The following CNTNAP2 variants were observed in gnomAD, a reference collection of about 807,000 sequenced individuals.
CNTNAP2 encodes contactin-associated protein-like 2.
Under a neutral mutation model 155.2 loss-of-function variants are expected in CNTNAP2, and 98 were observed. That is an observed-to-expected ratio of 0.63 (90% CI 0.54 to 0.75). CNTNAP2 has a LOEUF of 0.75. Among genes scored for constraint, CNTNAP2 ranks in the 30% least tolerant of loss-of-function variants. The probability of loss-of-function intolerance (pLI) is 0.00; values close to 1 mark genes in which losing one functional copy is unlikely to be tolerated. For missense variants in CNTNAP2, 1,727 were observed against 1,688.1 expected (o/e 1.02, Z -0.40); for synonymous variants, 651 against 631.2 (o/e 1.03, Z -0.47).
intron 1 of CNTNAP2, among the ~76,000 whole-genome samples, chr7:146,193,070 C>A (rs1798729093): frequency 6.6e-6 from 1 of 152,236 alleles, no homozygotes; most frequent in Non-Finnish European, 1.5e-5. Flanking sequence ...CATGCTGATG[C>A]AAGAGATGGA....
At chr7:147,782,540 G>A (rs1260863559) in intron 13 of CNTNAP2, among the ~76,000 whole-genome samples, 2 of 152,196 alleles carry the variant, frequency 1.3e-5, no homozygotes, top group Admixed American at 1.3e-4. Flanking sequence ...CCTTCTTGCA[G>A]CATCCTCACA....
At chr7:147,379,590 T>C (rs1206860934) in intron 9 of CNTNAP2, among the ~76,000 whole-genome samples, 1 of 152,120 alleles carries the variant, frequency 6.6e-6, no homozygotes, top group African/African-American at 2.4e-5. Flanking sequence ...AAGCTGTAAT[T>C]TAATTCAGCA....
chr7:146,351,627 G>T (rs1794916259), intron 1 of CNTNAP2, among the ~76,000 whole-genome samples: 1 of 152,008 alleles, frequency 6.6e-6, no homozygotes, highest in South Asian at 2.1e-4. Context: ...TTTACTTTAT[G>T]TTCAGACAGT....
At chr7:147,333,395 C>A (rs1795609336) in intron 9 of CNTNAP2, among the ~76,000 whole-genome samples, 1 of 152,052 alleles carries the variant, frequency 6.6e-6, no homozygotes, top group Admixed American at 6.6e-5. Flanking sequence ...GCATTAAAAT[C>A]ATAAAATAGA....
intron 13 of CNTNAP2, among the ~76,000 whole-genome samples, chr7:147,749,803 G>T (rs1797105781): frequency 6.6e-6 from 1 of 152,180 alleles, no homozygotes; most frequent in Non-Finnish European, 1.5e-5. Context: ...AACACTCATT[G>T]TTGAGGATGT....
intron 15 of CNTNAP2, among the ~76,000 whole-genome samples, chr7:148,081,093 C>T (rs1307455551): frequency 6.6e-6 from 1 of 152,088 alleles, no homozygotes; most frequent in Non-Finnish European, 1.5e-5. Context: ...ACAGACTTCC[C>T]TAAAGAAATG....
chr7:147,537,220 T>C (rs1223013222), intron 11 of CNTNAP2, among the ~76,000 whole-genome samples: 1 of 152,210 alleles, frequency 6.6e-6, no homozygotes, highest in Non-Finnish European at 1.5e-5. Context: ...TTTCACACTC[T>C]TTCCTAATGT....
intron 1 of CNTNAP2, among the ~76,000 whole-genome samples, chr7:146,452,813 G>C (rs1381643059): frequency 1.3e-5 from 2 of 152,092 alleles, no homozygotes; most frequent in Non-Finnish European, 2.9e-5. Context: ...GAGTAGCAGG[G>C]ACCAAATTTG....
chr7:147,543,383 G>A (rs2116748930), intron 11 of CNTNAP2, among the ~76,000 whole-genome samples: 1 of 152,304 alleles, frequency 6.6e-6, no homozygotes, highest in African/African-American at 2.4e-5. Flanking sequence ...GGGTGTTAGG[G>A]CCATTATGAA....
chr7:148,364,464 G>T (rs532382963), intron 21 of CNTNAP2, among the ~76,000 whole-genome samples: 51 of 150,090 alleles, frequency 3.4e-4, no homozygotes, highest in African/African-American at 1.2e-3. Flanking sequence ...GAACTTTTAT[G>T]TATAGCTCAA....
chr7:147,402,442 G>T (rs1314699911), intron 10 of CNTNAP2, among the ~76,000 whole-genome samples: 3 of 152,168 alleles, frequency 2.0e-5, no homozygotes, highest in Non-Finnish European at 4.4e-5. Flanking sequence ...CTTAGGTTCT[G>T]GGATCTGTGT....
chr7:146,453,353 T>C (rs1040983088), intron 1 of CNTNAP2, among the ~76,000 whole-genome samples: 3 of 152,152 alleles, frequency 2.0e-5, no homozygotes, highest in African/African-American at 7.2e-5. Context: ...TTTGCATCAG[T>C]AGTAAAGCAA....
chr7:146,993,356 G>T (rs1248070628), intron 3 of CNTNAP2, among the ~76,000 whole-genome samples: 1 of 152,066 alleles, frequency 6.6e-6, no homozygotes, highest in East Asian at 1.9e-4. Context: ...CTCAGGTGAG[G>T]CATTCTTCCC....
At chr7:147,758,947 T>G (rs568947707) in intron 13 of CNTNAP2, among the ~76,000 whole-genome samples, 17 of 152,354 alleles carry the variant, frequency 1.1e-4, no homozygotes, top group Non-Finnish European at 2.2e-4. Flanking sequence ...TCTTTTTCTT[T>G]AGATTTCCTT....
chr7:146,303,101 TGTGTGTGC>T (rs1468164544), intron 1 of CNTNAP2, among the ~76,000 whole-genome samples: 1 of 142,186 alleles, frequency 7.0e-6, no homozygotes, highest in African/African-American at 3.0e-5. Flanking sequence ...TGTGTGTGTG[TGTGTGTGC>T]GCATGCATAC....
At chr7:147,794,001 A>G (rs575560373) in intron 13 of CNTNAP2, among the ~76,000 whole-genome samples, 10 of 152,082 alleles carry the variant, frequency 6.6e-5, no homozygotes, top group African/African-American at 2.4e-4. Context: ...TGGTTATTCT[A>G]TATGGATCTT....
At chr7:146,470,597 A>G (rs142350546) in intron 1 of CNTNAP2, among the ~76,000 whole-genome samples, 476 of 151,978 alleles carry the variant, frequency 3.1e-3, no homozygotes, top group Middle Eastern at 0.01. Flanking sequence ...TTGAGACGGA[A>G]TCTCGCTCTG....
At chr7:146,371,494 G>C (rs1035183233) in intron 1 of CNTNAP2, among the ~76,000 whole-genome samples, 1 of 147,690 alleles carries the variant, frequency 6.8e-6, no homozygotes, top group South Asian at 2.2e-4. Flanking sequence ...TCAGCCTCCC[G>C]AGTAGCTGGG....
At chr7:147,186,370 A>T (rs181243454) in intron 8 of CNTNAP2, among the ~76,000 whole-genome samples, 298 of 152,312 alleles carry the variant, frequency 2.0e-3, no homozygotes, top group African/African-American at 6.8e-3. Flanking sequence ...TGCCTCATAT[A>T]AATTATCTCA....
Sources: allele counts gnomAD v4.1 joint callset (sites outside exome capture counted in the v4.1 genomes callset), GRCh38; gene constraint gnomAD v4.1.1; transcripts MANE v1.5; gene names NCBI Gene and HGNC (gene_info 2026-07-23, HGNC 2026-07-21).